SKAP1: variants seen among roughly 807,000 people sequenced by gnomAD.
SKAP1 encodes the protein src kinase associated phosphoprotein 1, also known as src kinase-associated phosphoprotein 1.
In SKAP1, 44 loss-of-function variants were observed where a neutral mutation model predicts 58.5. That is an observed-to-expected ratio of 0.75 (90% confidence interval 0.59 to 0.97). The LOEUF is 0.97. SKAP1 is among the 50% of genes least tolerant of loss of function. The pLI is 0.00. For synonymous variants in SKAP1, 127 were observed against 149.7 expected (o/e 0.85, Z 1.11); for missense variants, 390 against 435.2 (o/e 0.90, Z 0.92).
intron 4 of SKAP1, among the ~76,000 whole-genome samples, chr17:48,316,370 C>G (rs1403406248): frequency 6.6e-6 from 1 of 152,124 alleles, no homozygotes; most frequent in Non-Finnish European, 1.5e-5. Context: ...ATCTGCTATT[C>G]CCTGTGTCTG....
At chr17:48,331,522 A>G (rs1309701970) in intron 4 of SKAP1, among the ~76,000 whole-genome samples, 2 of 151,940 alleles carry the variant, frequency 1.3e-5, no homozygotes, top group Non-Finnish European at 2.9e-5. Flanking sequence ...CAACATGGAG[A>G]TATCCCGTCT....
intron 4 of SKAP1, among the ~76,000 whole-genome samples, chr17:48,205,264 C>T (rs545887891): frequency 1.3e-5 from 2 of 151,646 alleles, no homozygotes; most frequent in East Asian, 1.9e-4. Flanking sequence ...CACATGTCAC[C>T]ACGCTCAGCT....
At chr17:48,311,555 C>A (rs1483077225) in intron 4 of SKAP1, among the ~76,000 whole-genome samples, 1 of 152,096 alleles carries the variant, frequency 6.6e-6, no homozygotes, top group African/African-American at 2.4e-5. Flanking sequence ...ACTCTATATG[C>A]CCCCAAAGGT....
At chr17:48,199,451 T>C (rs757092875) in intron 4 of SKAP1, among the ~76,000 whole-genome samples, 1 of 152,358 alleles carries the variant, frequency 6.6e-6, no homozygotes, top group Non-Finnish European at 1.5e-5. Flanking sequence ...CTGTTTTTCC[T>C]GTTTGGAACT....
intron 4 of SKAP1, among the ~76,000 whole-genome samples, chr17:48,258,135 T>C (rs567356543): frequency 2.6e-5 from 4 of 152,166 alleles, no homozygotes; most frequent in African/African-American, 9.6e-5. Context: ...AGGTAGCAAA[T>C]TGTCAGTATT....
chr17:48,168,643 C>T (rs1409185625), intron 10 of SKAP1, among the ~76,000 whole-genome samples: 1 of 152,132 alleles, frequency 6.6e-6, no homozygotes, highest in Admixed American at 6.5e-5. Context: ...GACAACAGAG[C>T]GAGACTTCAT....
At chr17:48,339,162 T>C (rs1165778961) in intron 4 of SKAP1, among the ~76,000 whole-genome samples, 2 of 152,226 alleles carry the variant, frequency 1.3e-5, no homozygotes, top group South Asian at 2.1e-4. Context: ...AGTATGTGCC[T>C]CTAAACACAC....
chr17:48,374,758 T>C (rs547003106), intron 2 of SKAP1, among the ~76,000 whole-genome samples: 13 of 152,358 alleles, frequency 8.5e-5, no homozygotes, highest in African/African-American at 2.6e-4. Context: ...TCCCATCTAC[T>C]ACCTTGCAGA....
chr17:48,157,594 A>G (rs1260488003), intron 11 of SKAP1, among the ~76,000 whole-genome samples: 1 of 148,832 alleles, frequency 6.7e-6, no homozygotes, highest in Non-Finnish European at 1.5e-5. Context: ...CAGTGGCACT[A>G]TCTCAGCTCA....
At chr17:48,209,272 G>A (rs2064843998) in intron 4 of SKAP1, among the ~76,000 whole-genome samples, 1 of 152,146 alleles carries the variant, frequency 6.6e-6, no homozygotes, top group African/African-American at 2.4e-5. Context: ...ATACATTTAT[G>A]TGGGGCTTTA....
chr17:48,260,161 C>T (rs966344469), intron 4 of SKAP1, among the ~76,000 whole-genome samples: 10 of 152,136 alleles, frequency 6.6e-5, no homozygotes, highest in East Asian at 3.9e-4. Context: ...ACAATTGTTT[C>T]CCACAAATCT....
At chr17:48,184,578 A>C in intron 7 of SKAP1, 145 bp downstream of exon 7, 1 of 1,001,674 alleles carries the variant, frequency 1.0e-6, no homozygotes, top group South Asian at 1.3e-5. Context: ...ATATGAGGAC[A>C]TGCCAAGAAA....
chr17:48,366,052 A>T (rs2066997286), intron 2 of SKAP1, among the ~76,000 whole-genome samples: 1 of 152,228 alleles, frequency 6.6e-6, no homozygotes, highest in Admixed American at 6.5e-5. Context: ...TAAAGGGTCC[A>T]TAAACCCCCC....
chr17:48,426,569 G>C (rs1362255438), intron 1 of SKAP1, among the ~76,000 whole-genome samples: 1 of 152,208 alleles, frequency 6.6e-6, no homozygotes, highest in African/African-American at 2.4e-5. Flanking sequence ...GCACTTCATT[G>C]TTTTTGTTTT....
intron 4 of SKAP1, among the ~76,000 whole-genome samples, chr17:48,241,175 C>T: frequency 6.6e-6 from 1 of 152,064 alleles, no homozygotes; most frequent in East Asian, 1.9e-4. Flanking sequence ...ACTTAGTCAT[C>T]ACTAGCCTCT....
chr17:48,186,459 T>G (rs2064453694), intron 6 of SKAP1, among the ~76,000 whole-genome samples: 1 of 68,734 alleles, frequency 1.5e-5, no homozygotes, highest in Non-Finnish European at 2.8e-5. Context: ...GCAGTTTTTA[T>G]TTATTTATTT....
chr17:48,163,158 G>A (rs1424681872), intron 10 of SKAP1, among the ~76,000 whole-genome samples: 1 of 152,162 alleles, frequency 6.6e-6, no homozygotes, highest in Non-Finnish European at 1.5e-5. Context: ...CCAAGGGGGT[G>A]TCTCATCCAT....
intron 10 of SKAP1, among the ~76,000 whole-genome samples, chr17:48,170,163 T>C (rs2064188871): frequency 6.6e-6 from 1 of 152,206 alleles, no homozygotes; most frequent in Admixed American, 6.5e-5. Flanking sequence ...CCAAGGAATT[T>C]TATCTTTCAC....
intron 4 of SKAP1, among the ~76,000 whole-genome samples, chr17:48,321,646 G>A (rs2066368827): frequency 6.6e-6 from 1 of 152,050 alleles, no homozygotes; most frequent in Admixed American, 6.6e-5. Flanking sequence ...CCAAAGTGCT[G>A]GGATTACAGG....
Sources: gnomAD v4.1 joint callset for allele counts (sites outside exome capture counted in the v4.1 genomes callset) on GRCh38, gnomAD v4.1.1 for gene constraint, MANE v1.5 for transcripts, NCBI Gene and HGNC (gene_info 2026-07-23, HGNC 2026-07-21) for gene names.